Variants in ADAM32 observed in about 807,000 individuals in gnomAD.
ADAM32 encodes the protein disintegrin and metalloproteinase domain-containing protein 32.
Under a neutral mutation model 114.9 loss-of-function variants are expected in ADAM32, and 89 were observed. The ratio of observed to expected loss-of-function variants is 0.77; its 90% confidence interval spans 0.65 to 0.92. The LOEUF (loss-of-function observed/expected upper bound fraction) is 0.92. Ranked by LOEUF, ADAM32 falls within the 40% of genes least tolerant of loss-of-function variation. ADAM32 has a pLI of 0.00. For synonymous variants in ADAM32, 285 were observed against 307.5 expected, an observed-to-expected ratio of 0.93 and a Z score of 0.77; for missense variants, 870 against 932.8, an observed-to-expected ratio of 0.93 and a Z score of 0.88.
At chr8:39,180,329 G>A (rs1041485881) in intron 10 of ADAM32, among the ~76,000 whole-genome samples, 6 of 152,318 alleles carry the variant, frequency 3.9e-5, no homozygotes, top group Middle Eastern at 3.4e-3. Context: ...TCGATTTCTC[G>A]CCGGGCCTTA....
At chr8:39,270,360 C>T in intron 19 of ADAM32, among the ~76,000 whole-genome samples, 1 of 152,020 alleles carries the variant, frequency 6.6e-6, no homozygotes, top group South Asian at 2.1e-4. Context: ...TTCCAAAAGC[C>T]ACTGGTCAGA....
At chr8:39,284,204 G>C (rs1296519649) in intron 24 of ADAM32, among the ~76,000 whole-genome samples, 1 of 152,022 alleles carries the variant, frequency 6.6e-6, no homozygotes, top group East Asian at 1.9e-4. Flanking sequence ...CTTGTTGATA[G>C]AATAGAATTA....
chr8:39,228,043 G>C (rs905017075), intron 14 of ADAM32, among the ~76,000 whole-genome samples: 4 of 152,168 alleles, frequency 2.6e-5, no homozygotes, highest in Admixed American at 6.5e-5. Flanking sequence ...CTGGAGCTGG[G>C]TAGACTCGCT....
At chr8:39,216,136 C>T (rs1465021336) in intron 12 of ADAM32, among the ~76,000 whole-genome samples, 1 of 151,930 alleles carries the variant, frequency 6.6e-6, no homozygotes, top group African/African-American at 2.4e-5. Flanking sequence ...GAAATGACCC[C>T]TTTGTCATTA....
intron 16 of ADAM32, among the ~76,000 whole-genome samples, chr8:39,239,992 A>C (rs1319374537): frequency 6.6e-6 from 1 of 152,220 alleles, no homozygotes; most frequent in African/African-American, 2.4e-5. Flanking sequence ...GGATTTCAAT[A>C]CTTCGTGACA....
intron 10 of ADAM32, among the ~76,000 whole-genome samples, chr8:39,182,945 G>T (rs907758284): frequency 8.5e-5 from 13 of 152,108 alleles, no homozygotes; most frequent in Admixed American, 4.6e-4. Context: ...GGGTTCTCTA[G>T]TTGGGCTTGG....
intron 14 of ADAM32, among the ~76,000 whole-genome samples, chr8:39,224,543 T>C (rs910188793): frequency 6.6e-6 from 1 of 152,180 alleles, no homozygotes; most frequent in Non-Finnish European, 1.5e-5. Context: ...CTTGATGAGT[T>C]GTATGTATTC....
chr8:39,190,564 A>T (rs1164644523), intron 11 of ADAM32, among the ~76,000 whole-genome samples: 2 of 152,120 alleles, frequency 1.3e-5, no homozygotes, highest in Non-Finnish European at 2.9e-5. Flanking sequence ...GTTAGTTTTT[A>T]TGTTGTTTGA....
chr8:39,164,755 G>GTT lies in ADAM32; in HGVS notation c.595-5_595-4dup, dbSNP rs892751478. 1 of 1,562,484 alleles carries GTT rather than the reference G, an allele frequency of 6.4e-7. No individual in the cohort carries two copies. Among genetic ancestry groups the GTT allele is most frequent in the African/African-American group, 1.4e-5 (1 of 73,166 alleles). ...TGTACTTAAATATAAAATTAATTCT[G>GTT]TTTTTCAGTATGATTACTGGGGCTC... On this transcript the variant is annotated splice_polypyrimidine_tract_variant and intron_variant, in intron 7 of 24. Coordinates refer to ENST00000379907, the MANE Select transcript of ADAM32 (RefSeq NM_145004.7).
chr8:39,204,737 T>A (rs1472669253), intron 11 of ADAM32, among the ~76,000 whole-genome samples: 2 of 152,232 alleles, frequency 1.3e-5, no homozygotes, highest in African/African-American at 4.8e-5. Flanking sequence ...TTCTGCTCTG[T>A]TTTATCCCCA....
intron 12 of ADAM32, among the ~76,000 whole-genome samples, chr8:39,218,747 C>A (rs766816353): frequency 1.5e-4 from 23 of 152,078 alleles, no homozygotes; most frequent in Non-Finnish European, 2.9e-4. Context: ...AGGCCTGGGA[C>A]TCACTCTTCA....
intron 11 of ADAM32, among the ~76,000 whole-genome samples, chr8:39,195,217 G>A (rs1806895201): frequency 6.6e-6 from 1 of 152,090 alleles, no homozygotes; most frequent in South Asian, 2.1e-4. Flanking sequence ...TCCCTCAGTG[G>A]CAGATGTTAT....
At chr8:39,197,641 A>G (rs1039881729) in intron 11 of ADAM32, among the ~76,000 whole-genome samples, 1 of 152,028 alleles carries the variant, frequency 6.6e-6, no homozygotes, top group Non-Finnish European at 1.5e-5. Context: ...TCCTATTATT[A>G]TTGATTTTTA....
chr8:39,182,881 C>A (rs530734804), intron 10 of ADAM32, among the ~76,000 whole-genome samples: 47 of 152,230 alleles, frequency 3.1e-4, no homozygotes, highest in African/African-American at 9.9e-4. Context: ...TTTACTGTAA[C>A]CTGGGATTCT....
chr8:39,270,705 T>C (rs896743454), intron 19 of ADAM32, among the ~76,000 whole-genome samples, 171 bp from the exon 20 acceptor site: 1 of 152,172 alleles, frequency 6.6e-6, no homozygotes, highest in Non-Finnish European at 1.5e-5. Context: ...TATGGGTAAA[T>C]AAAAATGTTA....
intron 15 of ADAM32, among the ~76,000 whole-genome samples, chr8:39,232,547 T>C (rs1344915579): frequency 6.6e-6 from 1 of 152,178 alleles, no homozygotes; most frequent in Non-Finnish European, 1.5e-5. Flanking sequence ...AAAACATCTC[T>C]TAGGACCCTA....
intron 11 of ADAM32, among the ~76,000 whole-genome samples, chr8:39,190,057 A>G (rs1432490139): frequency 6.6e-6 from 1 of 152,138 alleles, no homozygotes. Flanking sequence ...TGACCTCGTG[A>G]TCCGCCTGCC....
At chr8:39,261,318 G>A (rs1367938741) in intron 19 of ADAM32, among the ~76,000 whole-genome samples, 1 of 152,072 alleles carries the variant, frequency 6.6e-6, no homozygotes, top group African/African-American at 2.4e-5. Flanking sequence ...AACATGCAGT[G>A]TTTAAGTTTC....
chr8:39,107,612 C>A (rs532345386), upstream of ADAM32: 1 of 1,455,934 alleles, frequency 6.9e-7, no homozygotes, highest in Non-Finnish European at 9.0e-7. Context: ...GCGGGCCCTT[C>A]GTGTTCCGGA....
Sources: allele counts gnomAD v4.1 joint callset (sites outside exome capture counted in the v4.1 genomes callset), GRCh38; gene constraint gnomAD v4.1.1; transcripts MANE v1.5; gene names NCBI Gene and HGNC (gene_info 2026-07-23, HGNC 2026-07-21).